EBNA1BP2: variants seen among roughly 807,000 people sequenced by gnomAD.
EBNA1BP2 encodes the protein probable rRNA-processing protein EBP2.
EBNA1BP2 carries 36 observed loss-of-function variants against 43.5 expected under a neutral mutation model. The ratio of observed to expected loss-of-function variants is 0.83; its 90% CI spans 0.63 to 1.09. EBNA1BP2 has a LOEUF of 1.09. Ranked by LOEUF, EBNA1BP2 falls within the 50% of genes least tolerant of loss-of-function variation. The pLI, the probability that EBNA1BP2 is intolerant of heterozygous loss-of-function variation, is 0.00. For synonymous variants in EBNA1BP2, 127 were observed against 141.3 expected (o/e 0.90, Z 0.72); for missense variants, 332 against 379.1 (o/e 0.88, Z 1.03).
chr1:43,165,063 C>A (rs1444287294), intron 7 of EBNA1BP2, among the ~76,000 whole-genome samples: 1 of 152,160 alleles, frequency 6.6e-6, no homozygotes, highest in South Asian at 2.1e-4. Context: ...TATTACATGG[C>A]TTCCTGCTGT....
intron 1 of EBNA1BP2, 31 bp downstream of exon 1, chr1:43,172,022 G>A: frequency 6.2e-7 from 1 of 1,614,096 alleles, no homozygotes; most frequent in Non-Finnish European, 8.5e-7. Flanking sequence ...CCTCTCCCAC[G>A]CCCAGCCCCA....
Position 43,164,746 on chromosome 1 carries a change from C to T in EBNA1BP2, c.767G>A (p.Gly256Asp). 2 of 1,614,208 alleles carry T rather than the reference C, an allele frequency of 1.2e-6. No individual in the cohort carries two copies. The highest frequency in any genetic ancestry group is 1.7e-6 in the Non-Finnish European group (2 of 1,180,038). ...QKFGFGGKKK[G>D]SKWNTRESYD... ...GCTCTCCCGAGTGTTCCACTTTGAG[C>T]CTTTCTTCTTTCCACCAAAACCAAA... The change falls in exon 8 of 9, where the codon GGC (glycine) becomes GAC (aspartate). Residue 256 changes from glycine (G) to aspartate (D), a missense_variant. Transcript: ENST00000236051.
intron 4 of EBNA1BP2, among the ~76,000 whole-genome samples, chr1:43,169,416 C>T (rs1329921006): frequency 1.3e-5 from 2 of 152,134 alleles, no homozygotes; most frequent in Non-Finnish European, 2.9e-5. Flanking sequence ...TACCAGGTGC[C>T]TAGCCTTTTC....
rs1286627451 is a variant in EBNA1BP2 at position 43,172,243 on chromosome 1, C to T, written c.-125G>A. On this transcript the variant is annotated 5_prime_UTR_variant, in exon 1 of 9. Coordinates refer to ENST00000236051, the MANE Select transcript of EBNA1BP2 (RefSeq NM_006824.3). ...GCCCCCTACTCCCACGCCGTGGCTCCACGTGCCACCGAATCGCTCCAGCGC... is the reference window on the plus strand; with the variant it reads ...GCCCCCTACTCCCACGCCGTGGCTCTACGTGCCACCGAATCGCTCCAGCGC... 6.4e-7 allele frequency: 1 copy of T among 1,561,812 alleles called. No homozygotes were observed. The highest frequency in any genetic ancestry group is 1.9e-5 in the Admixed American group (1 of 51,798).
intron 6 of EBNA1BP2, 52 bp downstream of exon 6, chr1:43,167,108 A>T: frequency 1.3e-6 from 2 of 1,589,416 alleles, no homozygotes; most frequent in South Asian, 1.1e-5. Context: ...AAGTGTTCAA[A>T]TCAACTCTAA....
chr1:43,168,702 T>C (rs923775841), intron 5 of EBNA1BP2, among the ~76,000 whole-genome samples: 1 of 152,204 alleles, frequency 6.6e-6, no homozygotes, highest in African/African-American at 2.4e-5. Flanking sequence ...AGTGTACAGA[T>C]GTGAAAACTA....
In EBNA1BP2 at chr1:43,171,958, C is replaced by G. The variant is rs1351301720; in HGVS notation, c.78G>C (p.Ala26=). The G allele has an allele frequency of 2.5e-6, 4 of 1,614,188 alleles. No individual in the cohort carries two copies. Among genetic ancestry groups the G allele is most frequent in the Non-Finnish European group, 3.4e-6 (4 of 1,180,016 alleles). The change falls in exon 2 of 9, where the codon GCG becomes GCC. Residue 26 remains alanine (A), a synonymous_variant. Transcript: ENST00000236051. The part of the protein sequence containing the change: ...SLVTDRELQD[A]FSRGLLKPGL... ...CTGGCTTCAGAAGCCCTCGGGAAAA[C>G]GCATCCTGCAACTGCAGGACACAAT...
intron 4 of EBNA1BP2, 74 bp from the exon 5 acceptor site, chr1:43,169,102 G>A: frequency 6.8e-7 from 1 of 1,466,220 alleles, no homozygotes; most frequent in Non-Finnish European, 9.5e-7. Context: ...GCTAGAGCAG[G>A]GAACAGATAT....
In EBNA1BP2 at chr1:43,166,879, T is replaced by C; in HGVS notation, c.654A>G (p.Lys218=). ...CTGCCTTCTTGCGCTGTGCCAGAGG[T>C]TTCTGATCTCCCTCAAGGAAATCCA... The part of the protein sequence containing the change: ...DKLDFLEGDQ[K]PLAQRKKAGA... Residue 218 remains lysine (K), a synonymous_variant, in exon 7 of 9, where the codon AAA becomes AAG. Coordinates refer to ENST00000236051, the MANE Select transcript of EBNA1BP2 (RefSeq NM_006824.3). 1 of 1,613,254 alleles carries C rather than the reference T, an allele frequency of 6.2e-7. No homozygotes were observed. Among genetic ancestry groups the C allele is most frequent in the Non-Finnish European group, 8.5e-7 (1 of 1,179,786 alleles).
intron 2 of EBNA1BP2, 110 bp from the exon 3 acceptor site, chr1:43,171,761 G>A (rs1423480140): frequency 6.4e-7 from 1 of 1,561,294 alleles, no homozygotes; most frequent in Admixed American, 1.8e-5. Context: ...ACCCAGACAG[G>A]TAATTGACCC....
Position 43,171,942 on chromosome 1 carries a change from G to A in EBNA1BP2, c.94C>T (p.Leu32=). The part of the protein sequence containing the change: ...ELQDAFSRGL[L]KPGLNVVLEG... Reference sequence around the variant, plus strand: ...AGCACGACATTGAGGCCTGGCTTCAGAAGCCCTCGGGAAAACGCATCCTGC... The same window carrying A: ...AGCACGACATTGAGGCCTGGCTTCAAAAGCCCTCGGGAAAACGCATCCTGC... Residue 32 remains leucine, a synonymous_variant, in exon 2 of 9, where the codon CTG becomes TTG. Coordinates refer to ENST00000236051, the MANE Select transcript of EBNA1BP2 (RefSeq NM_006824.3). 6.2e-7 allele frequency: 1 copy of A among 1,614,146 alleles called. No homozygotes were observed. Among genetic ancestry groups the A allele is most frequent in the Non-Finnish European group, 8.5e-7 (1 of 1,180,014 alleles).
Position 43,164,809 on chromosome 1 carries a change from G to A in EBNA1BP2, c.708-4C>T. On this transcript the variant is annotated splice_region_variant and splice_polypyrimidine_tract_variant and intron_variant, in intron 7 of 8. Transcript: ENST00000236051. ...ATACCGTCGTTTAGCACTGGGCCTG[G>A]AAAAGAATGGTCCTAGACATCACTA... 1.2e-6 allele frequency: 2 copies of A among 1,614,070 alleles called. No individual in the cohort carries two copies. The highest frequency in any genetic ancestry group is 1.3e-5 in the African/African-American group (1 of 75,034).
intron 3 of EBNA1BP2, chr1:43,171,187 A>G: frequency 2.1e-6 from 1 of 465,880 alleles, no homozygotes; most frequent in South Asian, 4.2e-5. Context: ...AATTCCACAC[A>G]AGAACATCCC....
intron 5 of EBNA1BP2, among the ~76,000 whole-genome samples, chr1:43,168,016 C>T (rs1194792748): frequency 6.6e-6 from 1 of 152,222 alleles, no homozygotes; most frequent in Non-Finnish European, 1.5e-5. Context: ...AAATTAGGAA[C>T]AGTGAACTAA....
In EBNA1BP2 at chr1:43,172,070, G is replaced by C; in HGVS notation, c.49C>G (p.Leu17Val). 1 of 1,614,198 alleles carries C rather than the reference G, an allele frequency of 6.2e-7. No homozygotes were observed. Among genetic ancestry groups the C allele is most frequent in the Non-Finnish European group, 8.5e-7 (1 of 1,180,034 alleles). Residue 17 changes from leucine to valine, a missense_variant, in exon 1 of 9, where the codon CTT becomes GTT. Coordinates refer to ENST00000236051, the MANE Select transcript of EBNA1BP2 (RefSeq NM_006824.3). Reference protein sequence around the residue: ...SDSESESDESLVTDRELQDAF... With the variant: ...SDSESESDESVVTDRELQDAF... Reference sequence around the variant, plus strand: ...ACACCTACCTCTCTGTCTGTGACAAGGGATTCATCGGATTCCGACTCCGAA... The same window carrying C: ...ACACCTACCTCTCTGTCTGTGACAACGGATTCATCGGATTCCGACTCCGAA...
At chr1:43,170,348 T>C (rs1015722819) in intron 4 of EBNA1BP2, among the ~76,000 whole-genome samples, 4 of 152,152 alleles carry the variant, frequency 2.6e-5, no homozygotes, top group Non-Finnish European at 4.4e-5. Flanking sequence ...CTGAACCATC[T>C]AAGAATCCCT....
chr1:43,166,843 G>A lies in EBNA1BP2; in HGVS notation c.690C>T (p.Gly230=), dbSNP rs1238128043. The A allele has an allele frequency of 6.2e-7, 1 of 1,611,704 alleles. No homozygotes were observed. Among genetic ancestry groups the A allele is most frequent in the Admixed American group, 1.7e-5 (1 of 59,152 alleles). The change falls in exon 7 of 9, where the codon GGC becomes GGT. Residue 230 remains glycine, a synonymous_variant. Coordinates refer to ENST00000236051, the MANE Select transcript of EBNA1BP2 (RefSeq NM_006824.3). ...LAQRKKAGAK[G]QQMRKGPSAK... ...CTTCTCACCCCTTCCTCATCTGCTGGCCTTTGGCTCCTGCCTTCTTGCGCT... is the reference window on the plus strand; with the variant it reads ...CTTCTCACCCCTTCCTCATCTGCTGACCTTTGGCTCCTGCCTTCTTGCGCT...
intron 6 of EBNA1BP2, 29 bp from the exon 7 acceptor site, chr1:43,166,948 C>G: frequency 1.2e-6 from 2 of 1,602,696 alleles, no homozygotes; most frequent in Non-Finnish European, 1.7e-6. Context: ...TTTTGATCAG[C>G]ACCATTGTAT....
chr1:43,164,657 T>G lies in EBNA1BP2; in HGVS notation c.856A>C (p.Lys286Gln), dbSNP rs770867555. 30 of 1,614,086 alleles carry G rather than the reference T, an allele frequency of 1.9e-5. No homozygotes were observed. Among genetic ancestry groups the G allele is most frequent in the Non-Finnish European group, 2.5e-5 (29 of 1,180,038 alleles). ...AHGRGLKRPG[K>Q]KGSNKRPGKR... ...GGCTCACTTACATTTGACCCTTTCT[T>G]GCCAGGCCTCTTGAGGCCTCTGCCA... The change falls in exon 8 of 9, where the codon AAG (lysine) becomes CAG (glutamine). Residue 286 changes from lysine to glutamine, a missense_variant. Transcript: ENST00000236051.
Sources: allele counts gnomAD v4.1 joint callset (sites outside exome capture counted in the v4.1 genomes callset), GRCh38; gene constraint gnomAD v4.1.1; transcripts MANE v1.5; gene names NCBI Gene and HGNC (gene_info 2026-07-23, HGNC 2026-07-21).